The following MEIS3 variants were observed in gnomAD, a reference collection of about 807,000 sequenced individuals.
The protein encoded by MEIS3 is Meis homeobox 3, also known as homeobox protein Meis3.
A neutral mutation model predicts 51.4 loss-of-function variants in MEIS3; 38 were observed. The ratio of observed to expected loss-of-function variants is 0.74; its 90% CI spans 0.57 to 0.97. MEIS3 has a LOEUF of 0.97. MEIS3 is among the 50% of genes least tolerant of loss of function. The pLI is 0.00. For missense variants in MEIS3, 456 were observed against 502.6 expected, an observed-to-expected ratio of 0.91 and a Z score of 0.89; for synonymous variants, 198 against 201.8, an observed-to-expected ratio of 0.98 and a Z score of 0.16.
chr19:47,417,129 A>T (rs1221632142), intron 2 of MEIS3, 49 bp downstream of exon 2: 1 of 1,538,280 alleles, frequency 6.5e-7, no homozygotes. Flanking sequence ...GCAAAGAAGC[A>T]GAAAGACAGA....
Position 47,416,840 on chromosome 19 carries a change from A to T in MEIS3, c.309T>A (p.Asp103Glu). Residue 103 changes from aspartate to glutamate, a missense_variant, in exon 3 of 13, where the codon GAT becomes GAA. Physicochemically the swap from Asp to Glu is conservative, Grantham distance 45 (BLOSUM62 2). Transcript: ENST00000558555. Reference sequence around the variant, plus strand: ...AGGCAGCGATGTCCTCGTTGAAGGAATCAGAGGAGCAGACGTCACCTCCAG... The same window carrying T: ...AGGCAGCGATGTCCTCGTTGAAGGATTCAGAGGAGCAGACGTCACCTCCAG... The part of the protein sequence containing the change: ...TPPGGDVCSS[D>E]SFNEDIAAFA... The T allele has an allele frequency of 6.2e-7, 1 of 1,613,984 alleles. No homozygotes were observed. Among genetic ancestry groups the T allele is most frequent in the Non-Finnish European group, 8.5e-7 (1 of 1,179,956 alleles).
In MEIS3 at chr19:47,403,191, A is replaced by G. The variant is rs1970664227; in HGVS notation, c.*380T>C. Reference sequence around the variant, plus strand: ...AGAGAAGGGAGGTAGGGGGGACAGGAGAGTGAAGGAATCTCTCCAAAATGT... The same window carrying G: ...AGAGAAGGGAGGTAGGGGGGACAGGGGAGTGAAGGAATCTCTCCAAAATGT... On this transcript the variant is annotated 3_prime_UTR_variant, in exon 13 of 13. Transcript: ENST00000558555. 1.4e-5 allele frequency: 4 copies of G among 276,594 alleles called. No individual in the cohort carries two copies. In the Admixed American group the frequency reaches 2.0e-4, roughly 14 times the overall value. 17.1% of individuals were successfully genotyped at this position (276,594 alleles called of 1,614,324 possible). A position where few individuals can be genotyped will look rare whatever the true frequency, so the allele number is the denominator to read the frequency against.
rs775259993 is a variant in MEIS3 at position 47,403,423 on chromosome 19, C to T, written c.*148G>A. 2.0e-5 allele frequency: 9 copies of T among 454,908 alleles called. No homozygotes were observed. The highest frequency in any genetic ancestry group is 1.2e-4 in the South Asian group (8 of 64,484). 28.2% of individuals were successfully genotyped at this position (454,908 alleles called of 1,614,324 possible). On this transcript the variant is annotated 3_prime_UTR_variant, in exon 13 of 13. Coordinates refer to ENST00000558555, the MANE Select transcript of MEIS3 (RefSeq NM_001301059.2). ...GCCCTTGGATGGGCACTCAGGCCCC[C>T]ATGTCCCAGCAGGGCCCTAGGGAGG... is the stretch of plus-strand genomic sequence containing the variant.
Position 47,414,750 on chromosome 19 carries a change from G to C in MEIS3, c.564C>G (p.Asp188Glu), listed in dbSNP as rs1259108808. 1.2e-6 allele frequency: 2 copies of C among 1,611,246 alleles called. No individual in the cohort carries two copies. Among genetic ancestry groups the C allele is most frequent in the Admixed American group, 1.7e-5 (1 of 59,842 alleles). ...GGAGGCTGGGGCAGGAGGCTGGGTAGTCCTCGAAGTCCTCCCTGCAGCCGC... is the reference window on the plus strand; with the variant it reads ...GGAGGCTGGGGCAGGAGGCTGGGTACTCCTCGAAGTCCTCCCTGCAGCCGC... Reference protein sequence around the residue: ...RDGGCREDFEDYPASCPSLPD... With the variant: ...RDGGCREDFEEYPASCPSLPD... Residue 188 changes from aspartate to glutamate, a missense_variant, in exon 6 of 13, where the codon GAC becomes GAG. Transcript: ENST00000558555.
chr19:47,403,621 G>A, intron 12 of MEIS3, 68 bp from the exon 13 acceptor site: 1 of 365,872 alleles, frequency 2.7e-6, no homozygotes, highest in Non-Finnish European at 5.4e-6. Flanking sequence ...CAGCCCATCT[G>A]TGCAGGCCTC....
chr19:47,412,876 G>A (rs1422292132), intron 6 of MEIS3, among the ~76,000 whole-genome samples: 1 of 151,280 alleles, frequency 6.6e-6, no homozygotes, highest in African/African-American at 2.4e-5. Context: ...CCTAAGTTTT[G>A]TATTTTTAGT....
upstream of MEIS3, among the ~76,000 whole-genome samples, chr19:47,419,971 A>G (rs1444004579): frequency 6.6e-6 from 1 of 152,036 alleles, no homozygotes; most frequent in Non-Finnish European, 1.5e-5. Context: ...CAGGATGGGC[A>G]GTGCGCTGGG....
In MEIS3 at chr19:47,419,205, C is replaced by T. The variant is rs1259999164; in HGVS notation, c.-124G>A. 20 of 623,186 alleles carry T rather than the reference C, an allele frequency of 3.2e-5. No homozygotes were observed. Among genetic ancestry groups the T allele is most frequent in the Non-Finnish European group, 4.5e-5 (20 of 440,500 alleles). The allele number at this position is 623,186 out of a possible 1,614,324, so 38.6% of individuals were successfully genotyped here. ...GCCAGGGGGTGGGCAGGAGGCCAGG[C>T]GCGCGCCCCCCCACCCCCGCCGCCG... On this transcript the variant is annotated 5_prime_UTR_variant, in exon 1 of 13. Transcript: ENST00000558555.
chr19:47,412,410 C>G (rs1223551314), intron 6 of MEIS3: 2 of 152,094 alleles, frequency 1.3e-5, no homozygotes, highest in African/African-American at 4.8e-5. Flanking sequence ...TTTTTTGAGA[C>G]AGAGTATCAC....
At chr19:47,412,902 C>T (rs574844363) in intron 6 of MEIS3, among the ~76,000 whole-genome samples, 1 of 151,758 alleles carries the variant, frequency 6.6e-6, no homozygotes, top group Non-Finnish European at 1.5e-5. Context: ...CGGGTTTTTG[C>T]CATGTTGGCC....
chr19:47,408,310 T>TG (rs1970950499), intron 8 of MEIS3, among the ~76,000 whole-genome samples: 1 of 151,732 alleles, frequency 6.6e-6, no homozygotes. Flanking sequence ...TTTTTAGAGA[T>TG]GGGGTCTTGC....
intron 12 of MEIS3, among the ~76,000 whole-genome samples, chr19:47,405,450 G>T (rs1156503541): frequency 6.6e-6 from 1 of 151,964 alleles, no homozygotes; most frequent in African/African-American, 2.4e-5. Flanking sequence ...ACGTTTTATT[G>T]TTTGAACTGT....
At chr19:47,420,923 C>T (rs796486327), upstream of MEIS3, among the ~76,000 whole-genome samples, 9 of 110,946 alleles carry the variant, frequency 8.1e-5, no homozygotes, top group African/African-American at 3.7e-4. Flanking sequence ...CACACACACA[C>T]ACACACACAC....
chr19:47,420,940 A>ACTCTCTCTCTCTCTCTCTCT (rs71180840), upstream of MEIS3, among the ~76,000 whole-genome samples: 7 of 91,002 alleles, frequency 7.7e-5, no homozygotes, highest in African/African-American at 3.4e-4. Context: ...ACACACACAC[A>ACTCTCTCTCTCTCTCTCTCT]CTCTCTCTCT....
At chr19:47,406,557 C>A (rs769464074) in intron 11 of MEIS3, 31 bp from the exon 12 acceptor site, 14 of 1,611,352 alleles carry the variant, frequency 8.7e-6, no homozygotes, top group African/African-American at 1.3e-5. Context: ...AGGGTAAGTG[C>A]GTCTTTCAGA....
At chr19:47,421,757 T>C (rs568359562), upstream of MEIS3, among the ~76,000 whole-genome samples, 23 of 151,884 alleles carry the variant, frequency 1.5e-4, no homozygotes, top group Admixed American at 2.6e-4. Context: ...TTTTTTTTTT[T>C]TTCTTGTATC....
intron 12 of MEIS3, among the ~76,000 whole-genome samples, chr19:47,405,062 C>T (rs531454066): frequency 2.5e-3 from 379 of 152,348 alleles, no homozygotes; most frequent in Admixed American, 6.3e-3. Flanking sequence ...GCTTTGGAAA[C>T]TCTAGGCTGC....
At position 47,410,093 on chromosome 19, in the gene MEIS3, G is replaced by A. The variant is rs559276507; in HGVS notation, c.598-546C>T. Among the ~76,000 whole-genome samples, 23 of 152,094 alleles carry A rather than the reference G, an allele frequency of 1.5e-4. No homozygotes were observed. In the East Asian group the frequency reaches 4.3e-3, roughly 28 times the overall value. On this transcript the variant is annotated intron_variant, in intron 6 of 12. Transcript: ENST00000558555. ...AGGCTGAGGCAGGCAGATCACCTGA[G>A]GTCGGGCATTTGAGACCAGCCTGGC...
chr19:47,416,716 G>C lies in MEIS3; in HGVS notation c.346-14C>G. The stretch of plus-strand genomic sequence containing the variant: ...CTCAGAGCGAACCTGGGAGGGAAGA[G>C]AGAGGCCGGCAGGGGGATGTCCCGC... On this transcript the variant is annotated splice_polypyrimidine_tract_variant and intron_variant, in intron 3 of 12. Transcript: ENST00000558555. The C allele has an allele frequency of 6.3e-7, 1 of 1,599,812 alleles. No homozygotes were observed. The highest frequency in any genetic ancestry group is 8.5e-7 in the Non-Finnish European group (1 of 1,173,200).
Sources: allele counts gnomAD v4.1 joint callset (sites outside exome capture counted in the v4.1 genomes callset), GRCh38; gene constraint gnomAD v4.1.1; transcripts MANE v1.5; gene names NCBI Gene and HGNC (gene_info 2026-07-23, HGNC 2026-07-21).